The following DNM3 variants were observed in gnomAD, a reference collection of about 807,000 sequenced individuals.
The protein encoded by DNM3 is dynamin-3.
A neutral mutation model predicts 101.6 loss-of-function variants in DNM3; 47 were observed. The ratio of observed to expected loss-of-function variants is 0.46; its 90% confidence interval spans 0.37 to 0.59. DNM3 has a LOEUF of 0.59. DNM3 is among the 20% of genes least tolerant of loss of function. The pLI, the probability that DNM3 is intolerant of heterozygous loss-of-function variation, is 0.00. For synonymous variants in DNM3, 385 were observed against 387.9 expected (o/e 0.99, Z 0.09); for missense variants, 849 against 1,085.7 (o/e 0.78, Z 3.06).
At chr1:172,047,118 T>TC (rs1349399800) in intron 9 of DNM3, among the ~76,000 whole-genome samples, 1 of 152,184 alleles carries the variant, frequency 6.6e-6, no homozygotes, top group Non-Finnish European at 1.5e-5. Flanking sequence ...TTGACAATTT[T>TC]TTTTTCCCAT....
chr1:172,367,228 G>A (rs1254489135), intron 17 of DNM3, among the ~76,000 whole-genome samples: 1 of 151,720 alleles, frequency 6.6e-6, no homozygotes, highest in Non-Finnish European at 1.5e-5. Context: ...AAAAAAAGAT[G>A]TTAGCCAAGA....
chr1:172,386,351 C>G (rs1374243483), intron 18 of DNM3, among the ~76,000 whole-genome samples: 2 of 152,042 alleles, frequency 1.3e-5, no homozygotes, highest in African/African-American at 4.8e-5. Context: ...CTGGCGTTCC[C>G]ACTCTCAGTG....
intron 16 of DNM3, chr1:172,309,107 CAA>C (rs2064974345): frequency 8.5e-6 from 3 of 355,018 alleles, no homozygotes; most frequent in Non-Finnish European, 1.5e-5. Flanking sequence ...CAGCTCAAGA[CAA>C]AGTTTGTTTT....
At chr1:171,928,703 A>T (rs985024478) in intron 2 of DNM3, among the ~76,000 whole-genome samples, 1 of 152,096 alleles carries the variant, frequency 6.6e-6, no homozygotes, top group African/African-American at 2.4e-5. Context: ...AGAGGCTTTT[A>T]GTTGCTCCCG....
chr1:172,086,401 A>G lies in DNM3; in HGVS notation c.1493+4499A>G, dbSNP rs2053534767. ...GTTCATAATCTTTCTTGGATAATAT[A>G]AAAGAACAGTCTAAAATTGCTTTAC... On this transcript the variant is annotated intron_variant, in intron 12 of 20. Transcript: ENST00000627582. Among the ~76,000 whole-genome samples, 4 of 152,158 alleles carry G rather than the reference A, an allele frequency of 2.6e-5. No homozygotes were observed. The South Asian group carries it at 8.3e-4, about 32-fold the overall frequency.
At chr1:172,116,519 G>A (rs1289124795) in intron 13 of DNM3, among the ~76,000 whole-genome samples, 1 of 152,176 alleles carries the variant, frequency 6.6e-6, no homozygotes, top group African/African-American at 2.4e-5. Context: ...TGGGGAGGGG[G>A]AACAGGGAAA....
intron 16 of DNM3, chr1:172,310,853 A>G (rs2065049634): frequency 6.6e-6 from 1 of 152,216 alleles, no homozygotes; most frequent in South Asian, 2.1e-4. Flanking sequence ...TCACTTAGTG[A>G]CGATTTATAT....
At chr1:172,207,195 A>C (rs975746769) in intron 14 of DNM3, among the ~76,000 whole-genome samples, 40 of 152,106 alleles carry the variant, frequency 2.6e-4, no homozygotes, top group African/African-American at 9.2e-4. Flanking sequence ...CCTTAGTGCT[A>C]CTTCCACAGG....
intron 1 of DNM3, among the ~76,000 whole-genome samples, chr1:171,912,688 A>T (rs1186884594): frequency 6.6e-6 from 1 of 152,190 alleles, no homozygotes; most frequent in African/African-American, 2.4e-5. Flanking sequence ...CAAAACCTCT[A>T]ATTACATCTT....
chr1:171,855,293 G>T (rs995822488), intron 1 of DNM3, among the ~76,000 whole-genome samples: 3 of 152,164 alleles, frequency 2.0e-5, no homozygotes, highest in African/African-American at 7.2e-5. Context: ...GGGCATTTAG[G>T]TTGATTCCAT....
chr1:172,023,446 A>G (rs1188387772), intron 4 of DNM3, among the ~76,000 whole-genome samples: 2 of 152,164 alleles, frequency 1.3e-5, no homozygotes, highest in African/African-American at 2.4e-5. Context: ...TAGGTTAGAA[A>G]TGATTTTTCC....
chr1:172,177,458 C>T (rs1357053208), intron 14 of DNM3, among the ~76,000 whole-genome samples: 1 of 151,770 alleles, frequency 6.6e-6, no homozygotes, highest in Non-Finnish European at 1.5e-5. Flanking sequence ...TTTTGGACAT[C>T]CACTGTGGAT....
chr1:172,193,083 A>G (rs2059797363), intron 14 of DNM3, among the ~76,000 whole-genome samples: 1 of 151,714 alleles, frequency 6.6e-6, no homozygotes, highest in Admixed American at 6.6e-5. Flanking sequence ...CTGGTGTGAG[A>G]TGGTATCTCA....
At chr1:172,058,599 G>T (rs1407484655) in intron 10 of DNM3, among the ~76,000 whole-genome samples, 2 of 152,016 alleles carry the variant, frequency 1.3e-5, no homozygotes, top group Admixed American at 1.3e-4. Context: ...ATGACTACTG[G>T]GTACATAACG....
intron 1 of DNM3, among the ~76,000 whole-genome samples, chr1:171,914,208 A>G (rs542631456): frequency 1.3e-5 from 2 of 151,966 alleles, no homozygotes; most frequent in South Asian, 2.1e-4. Context: ...CCCAGGCTGG[A>G]GTGCAATGAT....
At chr1:172,021,738 A>G (rs2047866653) in intron 4 of DNM3, among the ~76,000 whole-genome samples, 1 of 152,148 alleles carries the variant, frequency 6.6e-6, no homozygotes. Flanking sequence ...TAGCTTTTCA[A>G]AGTCTTCACT....
At chr1:171,843,930 G>A (rs2031672545) in intron 1 of DNM3, among the ~76,000 whole-genome samples, 1 of 152,154 alleles carries the variant, frequency 6.6e-6, no homozygotes, top group African/African-American at 2.4e-5. Context: ...CTAATTGACT[G>A]TTAGAACGCC....
At chr1:171,995,968 A>G (rs1383505728) in intron 4 of DNM3, among the ~76,000 whole-genome samples, 1 of 152,194 alleles carries the variant, frequency 6.6e-6, no homozygotes, top group African/African-American at 2.4e-5. Context: ...ATTTGAGTAT[A>G]TTGGAATATA....
At chr1:172,064,790 G>A (rs906337634) in intron 10 of DNM3, among the ~76,000 whole-genome samples, 3 of 152,096 alleles carry the variant, frequency 2.0e-5, no homozygotes, top group Non-Finnish European at 4.4e-5. Flanking sequence ...TTTCATTAAT[G>A]CCATTCAGTG....
Sources: allele counts gnomAD v4.1 joint callset (sites outside exome capture counted in the v4.1 genomes callset), GRCh38; gene constraint gnomAD v4.1.1; transcripts MANE v1.5; gene names NCBI Gene and HGNC (gene_info 2026-07-23, HGNC 2026-07-21).